ORC4: variants seen among roughly 807,000 people sequenced by gnomAD.
ORC4 encodes origin recognition complex, subunit 4 homolog.
A neutral mutation model predicts 63.9 loss-of-function variants in ORC4; 55 were observed. That is an observed-to-expected ratio of 0.86 (90% CI 0.69 to 1.08). The LOEUF (loss-of-function observed/expected upper bound fraction) is 1.08, where lower values mean the gene tolerates loss of function less well. Ranked by LOEUF, ORC4 falls within the 50% of genes least tolerant of loss-of-function variation. The pLI, the probability that ORC4 is intolerant of heterozygous loss-of-function variation, is 0.00. For missense variants in ORC4, 511 were observed against 504.4 expected, an observed-to-expected ratio of 1.01 and a Z score of -0.13; for synonymous variants, 150 against 168.5, an observed-to-expected ratio of 0.89 and a Z score of 0.85.
intron 7 of ORC4, among the ~76,000 whole-genome samples, chr2:147,954,968 A>G (rs2105305592): frequency 6.6e-6 from 1 of 152,188 alleles, no homozygotes; most frequent in African/African-American, 2.4e-5. Context: ...ATTATAAAAA[A>G]TTAGAAACAA....
intron 10 of ORC4, among the ~76,000 whole-genome samples, chr2:147,939,814 C>T (rs968686399): frequency 1.3e-5 from 2 of 152,118 alleles, no homozygotes; most frequent in Non-Finnish European, 2.9e-5. Context: ...GGTCCTGGAC[C>T]AGAGTTGCTA....
At chr2:148,020,764 C>T (rs555547392), upstream of ORC4, 4 of 152,690 alleles carry the variant, frequency 2.6e-5, no homozygotes, top group African/African-American at 9.6e-5. Flanking sequence ...CACGCACTAC[C>T]TCTCCCACCC....
chr2:147,986,440 C>T (rs1006941508), intron 1 of ORC4, among the ~76,000 whole-genome samples: 2 of 151,906 alleles, frequency 1.3e-5, no homozygotes, highest in Admixed American at 6.6e-5. Flanking sequence ...AAGAAGAAAA[C>T]TGATAAAAAC....
intron 1 of ORC4, among the ~76,000 whole-genome samples, chr2:147,992,041 G>A (rs879172495): frequency 2.6e-5 from 4 of 152,112 alleles, no homozygotes; most frequent in African/African-American, 4.8e-5. Flanking sequence ...AATTTGCAAC[G>A]TATTTAGAAA....
chr2:148,005,097 A>G (rs974581245), intron 1 of ORC4, among the ~76,000 whole-genome samples: 34 of 152,210 alleles, frequency 2.2e-4, no homozygotes, highest in Non-Finnish European at 4.1e-4. Context: ...CTATAAAGAC[A>G]CATGCATACG....
At chr2:147,935,981 C>T (rs1341126218) in intron 13 of ORC4, among the ~76,000 whole-genome samples, 2 of 152,186 alleles carry the variant, frequency 1.3e-5, no homozygotes, top group Admixed American at 6.5e-5. Flanking sequence ...TTCCTAGCCT[C>T]ATTCTCTATC....
chr2:147,995,709 G>A (rs540925093), intron 1 of ORC4, among the ~76,000 whole-genome samples: 2 of 152,148 alleles, frequency 1.3e-5, no homozygotes, highest in South Asian at 2.1e-4. Flanking sequence ...CTTCACTCCC[G>A]AAGTTAGCGA....
At chr2:147,962,365 A>G (rs1689647068) in intron 4 of ORC4, among the ~76,000 whole-genome samples, 1 of 151,776 alleles carries the variant, frequency 6.6e-6, no homozygotes, top group Non-Finnish European at 1.5e-5. Context: ...ACCCTCACCC[A>G]CCTGTAGGCC....
At position 147,987,382 on chromosome 2, in the gene ORC4, G is replaced by GTGTGTA. The variant is rs1553458395; in HGVS notation, c.-17-11408_-17-11407insTACACA. ...GATATATATATGTGTGTGTGTGTGT[G>GTGTGTA]TATATATATACACACACACACACAC... On this transcript the variant is annotated intron_variant, in intron 1 of 13. Transcript: ENST00000392857. Among the ~76,000 whole-genome samples, 2 of 103,480 alleles carry GTGTGTA rather than the reference G, an allele frequency of 1.9e-5. 1 individual carries two copies. The highest frequency in any genetic ancestry group is 2.0e-4 in the Admixed American group (2 of 10,046). 67.9% of individuals were successfully genotyped at this position (103,480 alleles called of 152,430 possible). A position where few individuals can be genotyped will look rare whatever the true frequency, so the allele number is the denominator to read the frequency against.
At chr2:147,961,437 A>AG (rs1367581252) in intron 4 of ORC4, among the ~76,000 whole-genome samples, 234 of 116,536 alleles carry the variant, frequency 2.0e-3, no homozygotes, top group African/African-American at 6.1e-3. Flanking sequence ...ACTCTGTCAA[A>AG]GAAAAAAAAA....
At chr2:147,970,349 T>A (rs1197521413) in intron 4 of ORC4, among the ~76,000 whole-genome samples, 1 of 152,104 alleles carries the variant, frequency 6.6e-6, no homozygotes, top group Admixed American at 6.5e-5. Context: ...ATTCTAAAGT[T>A]AATATGAAAA....
At chr2:147,993,383 G>A (rs533408333) in intron 1 of ORC4, among the ~76,000 whole-genome samples, 1 of 151,946 alleles carries the variant, frequency 6.6e-6, no homozygotes, top group Non-Finnish European at 1.5e-5. Context: ...AAATAACATT[G>A]CTTTAGAGAT....
intron 13 of ORC4, among the ~76,000 whole-genome samples, chr2:147,935,934 C>T (rs1036890473): frequency 5.3e-5 from 8 of 152,100 alleles, no homozygotes; most frequent in East Asian, 1.9e-4. Flanking sequence ...AATGTAAACA[C>T]GGCAAACTTT....
chr2:147,976,091 C>T, intron 1 of ORC4, 116 bp from the exon 2 acceptor site: 2 of 673,050 alleles, frequency 3.0e-6, no homozygotes, highest in South Asian at 3.3e-5. Flanking sequence ...AATGCTCAAA[C>T]CCTAAGACCT....
At position 147,933,793 on chromosome 2, in the gene ORC4, C is replaced by T. The variant is rs1038469834; in HGVS notation, c.*1717G>A. On this transcript the variant is annotated 3_prime_UTR_variant, in exon 14 of 14. Coordinates refer to ENST00000392857, the MANE Select transcript of ORC4 (RefSeq NM_181741.4). ...CATGTCAAGTATTTTGGTGAAATAT[C>T]CCCTAAAAATGTGTAGACTACGGCA... The T allele has an allele frequency of 6.6e-6, 1 of 151,974 alleles. No individual in the cohort carries two copies. The highest frequency in any genetic ancestry group is 6.6e-5 in the Admixed American group (1 of 15,228). The allele number at this position is 151,974 out of a possible 1,614,324, so 9.4% of individuals were successfully genotyped here.
chr2:147,940,275 T>C (rs1482296145), intron 10 of ORC4, among the ~76,000 whole-genome samples: 1 of 152,160 alleles, frequency 6.6e-6, no homozygotes, highest in African/African-American at 2.4e-5. Context: ...CTTTGGTGAA[T>C]GCATCACTTG....
intron 10 of ORC4, among the ~76,000 whole-genome samples, chr2:147,940,709 T>C (rs1047055089): frequency 2.4e-4 from 37 of 152,144 alleles, no homozygotes; most frequent in African/African-American, 8.2e-4. Flanking sequence ...GCATTTGCAG[T>C]GACCTGGATG....
At chr2:148,017,419 C>G (rs1022925722) in intron 1 of ORC4, among the ~76,000 whole-genome samples, 1 of 152,220 alleles carries the variant, frequency 6.6e-6, no homozygotes, top group African/African-American at 2.4e-5. Context: ...CGTCTGTGAT[C>G]CCATCACTTT....
At chr2:147,971,771 A>G (rs1690225714) in intron 4 of ORC4, among the ~76,000 whole-genome samples, 1 of 152,060 alleles carries the variant, frequency 6.6e-6, no homozygotes, top group Non-Finnish European at 1.5e-5. Context: ...CAAATTAAAC[A>G]TAGATTTGAA....
Sources: allele counts gnomAD v4.1 joint callset (sites outside exome capture counted in the v4.1 genomes callset), GRCh38; gene constraint gnomAD v4.1.1; transcripts MANE v1.5; gene names NCBI Gene and HGNC (gene_info 2026-07-23, HGNC 2026-07-21).